The following PHF10 variants were observed in gnomAD, a reference collection of about 807,000 sequenced individuals.
PHF10 encodes the protein BRG1-associated factor 45a.
In PHF10, 51 loss-of-function variants were observed where a neutral mutation model predicts 68.5. That is an observed-to-expected ratio of 0.74 (90% CI 0.59 to 0.94). The LOEUF is 0.94. PHF10 is among the 40% of genes least tolerant of loss of function. PHF10 has a pLI of 0.00. For missense variants in PHF10, 460 were observed against 602.6 expected (o/e 0.76, Z 2.48); for synonymous variants, 204 against 203.5 (o/e 1.00, Z -0.02).
At chr6:169,719,982 C>T (rs868522112) in intron 2 of PHF10, among the ~76,000 whole-genome samples, 1 of 148,064 alleles carries the variant, frequency 6.8e-6, no homozygotes, top group South Asian at 2.2e-4. Context: ...ACAAAAAAAA[C>T]CCCAAATAAA....
chr6:169,718,142 T>C (rs1305257659), intron 3 of PHF10, among the ~76,000 whole-genome samples: 2 of 152,188 alleles, frequency 1.3e-5, no homozygotes, highest in Non-Finnish European at 2.9e-5. Flanking sequence ...TAAATAACTA[T>C]ACTAAACTAG....
In PHF10 at chr6:169,712,641, G is replaced by A. The variant is rs568427930; in HGVS notation, c.804-102C>T. On this transcript the variant is annotated intron_variant, in intron 7 of 11. Coordinates refer to ENST00000339209, the MANE Select transcript of PHF10 (RefSeq NM_018288.4). ...AGCCTTAAACTTCTTGAGTAACCCC[G>A]AAGACTTTTGAAAACTAGAGTACTA... The A allele has an allele frequency of 1.9e-4, 179 of 923,992 alleles. 3 individuals are homozygous for A. The South Asian group carries it at 3.0e-3, about 16-fold the overall frequency. The allele number at this position is 923,992 out of a possible 1,614,324, so 57.2% of individuals were successfully genotyped here.
chr6:169,717,647 A>G (rs902536926), intron 4 of PHF10, 176 bp downstream of exon 4: 1 of 514,936 alleles, frequency 1.9e-6, no homozygotes, highest in African/African-American at 2.0e-5. Context: ...TGTGTGTTCA[A>G]GCTTCATTCT....
chr6:169,717,123 G>C, intron 4 of PHF10, among the ~76,000 whole-genome samples: 1 of 152,242 alleles, frequency 6.6e-6, no homozygotes, highest in African/African-American at 2.4e-5. Flanking sequence ...GTGATGACAT[G>C]CGCCTGTAGT....
intron 2 of PHF10, among the ~76,000 whole-genome samples, chr6:169,719,911 T>C (rs906998874): frequency 1.3e-5 from 2 of 151,850 alleles, no homozygotes; most frequent in African/African-American, 4.8e-5. Context: ...GGAGAAAATA[T>C]GTGTAAATCA....
intron 8 of PHF10, among the ~76,000 whole-genome samples, chr6:169,712,026 A>C (rs1788936738): frequency 6.6e-6 from 1 of 152,216 alleles, no homozygotes; most frequent in South Asian, 2.1e-4. Context: ...AGATTAAGCA[A>C]ATGCACTCCC....
Position 169,705,187 on chromosome 6 carries a change from T to C in PHF10, c.1357A>G (p.Met453Val), listed in dbSNP as rs749971973. 5.0e-6 allele frequency: 8 copies of C among 1,613,714 alleles called. No homozygotes were observed. In the African/African-American group the frequency reaches 6.7e-5, roughly 13 times the overall value. Residue 453 changes from methionine (M) to valine (V), a missense_variant, in exon 11 of 12, where the codon ATG becomes GTG. By Grantham distance (21) the Met-to-Val change is conservative. Coordinates refer to ENST00000339209, the MANE Select transcript of PHF10 (RefSeq NM_018288.4). ...AAAGTATGATAACCTCTGTCACACATATCACAGAACATCATTTCTTCTTCA... is the reference window on the plus strand; with the variant it reads ...AAAGTATGATAACCTCTGTCACACACATCACAGAACATCATTTCTTCTTCA... Reference protein sequence around the residue: ...HHEEEMMFCDMCDRGYHTFCV... With the variant: ...HHEEEMMFCDVCDRGYHTFCV...
At chr6:169,704,372 A>G in intron 11 of PHF10, 1 of 371,152 alleles carries the variant, frequency 2.7e-6, no homozygotes, top group Non-Finnish European at 5.0e-6. Context: ...AAATTCAAAC[A>G]CTATCATACT....
chr6:169,714,368 T>G (rs531228473), intron 7 of PHF10, among the ~76,000 whole-genome samples: 2 of 152,334 alleles, frequency 1.3e-5, no homozygotes, highest in African/African-American at 4.8e-5. Context: ...ATGCAGACTC[T>G]GAGTCATAGG....
intron 4 of PHF10, among the ~76,000 whole-genome samples, chr6:169,716,912 T>C (rs570025160): frequency 7.9e-4 from 120 of 152,260 alleles, no homozygotes; most frequent in Admixed American, 1.5e-3. Context: ...AAATATATTG[T>C]ACAAGCTTTG....
chr6:169,722,639 G>A (rs896339584), intron 1 of PHF10, among the ~76,000 whole-genome samples: 7 of 152,208 alleles, frequency 4.6e-5, no homozygotes, highest in African/African-American at 1.4e-4. Flanking sequence ...TTTTTCTTGA[G>A]GGAGGTAGTA....
At chr6:169,718,574 G>T (rs540326686) in intron 3 of PHF10, among the ~76,000 whole-genome samples, 48 of 152,254 alleles carry the variant, frequency 3.2e-4, no homozygotes, top group Non-Finnish European at 6.2e-4. Context: ...GAAGGCTGAG[G>T]CAGGGAGACA....
chr6:169,719,002 T>G, intron 2 of PHF10, 84 bp from the exon 3 acceptor site: 1 of 913,132 alleles, frequency 1.1e-6, no homozygotes, highest in Non-Finnish European at 1.7e-6. Context: ...TTGAAAACTA[T>G]TTTAAGTATT....
rs376263590 is a variant in PHF10 at position 169,703,976 on chromosome 6, T to C, written c.*27A>G. The C allele has an allele frequency of 7.4e-6, 11 of 1,489,556 alleles. No homozygotes were observed. The African/African-American group carries it at 1.3e-4, about 17-fold the overall frequency. The allele number at this position is 1,489,556 out of a possible 1,614,324, so 92.3% of individuals were successfully genotyped here. A position where few individuals can be genotyped will look rare whatever the true frequency, so the allele number is the denominator to read the frequency against. Reference sequence around the variant, plus strand: ...GCACCAAATATTCCACTTAAATGCATATACAGTATTAGAGTCAAAAACTAT... The same window carrying C: ...GCACCAAATATTCCACTTAAATGCACATACAGTATTAGAGTCAAAAACTAT... On this transcript the variant is annotated 3_prime_UTR_variant, in exon 12 of 12. Transcript: ENST00000339209.
chr6:169,718,977 TTTA>T (rs1789115864), intron 2 of PHF10, 59 bp from the exon 3 acceptor site: 1 of 1,125,434 alleles, frequency 8.9e-7, no homozygotes, highest in East Asian at 2.4e-5. Flanking sequence ...TTTAATCACT[TTTA>T]TTGAGGATAT....
chr6:169,707,511 T>G (rs1585298186), intron 9 of PHF10: 1 of 152,222 alleles, frequency 6.6e-6, no homozygotes, highest in Non-Finnish European at 1.5e-5. Context: ...ACTAATAGTT[T>G]AAGTTAGATA....
chr6:169,705,344 G>A (rs754305870), intron 10 of PHF10, 23 bp from the exon 11 acceptor site: 7 of 1,530,408 alleles, frequency 4.6e-6, no homozygotes, highest in South Asian at 1.2e-5. Context: ...CAGTATTAGT[G>A]GTATCTCACA....
At position 169,721,023 on chromosome 6, in the gene PHF10, G is replaced by T. The variant is rs1045664485; in HGVS notation, c.176C>A (p.Thr59Asn). Residue 59 changes from threonine (T) to asparagine (N), a missense_variant, in exon 2 of 12, where the codon ACT becomes AAT. Thr to Asn is a moderately conservative substitution (Grantham distance 65). This residue lies in a region of PHF10 where 93 missense variants were observed against 82.4 expected (regional missense o/e 1.13). Transcript: ENST00000339209. Reference sequence around the variant, plus strand: ...ACAGTACCCAAGATCTTGACTTGAAGTTTCACAACTCCTAGAACTATCTCC... The same window carrying T: ...ACAGTACCCAAGATCTTGACTTGAATTTTCACAACTCCTAGAACTATCTCC... Reference protein sequence around the residue: ...GSGDSSRSCETSSQDLGFSYY... With the variant: ...GSGDSSRSCENSSQDLGFSYY... The T allele has an allele frequency of 3.9e-5, 60 of 1,541,302 alleles. No individual in the cohort carries two copies. Among genetic ancestry groups the T allele is most frequent in the Non-Finnish European group, 5.1e-5 (58 of 1,139,848 alleles).
At chr6:169,706,723 TACATACACACACACACACACACACACAC>T (rs1159665813) in intron 9 of PHF10, among the ~76,000 whole-genome samples, 6 of 72,538 alleles carry the variant, frequency 8.3e-5, no homozygotes, top group African/African-American at 2.5e-4. Context: ...CATACATACA[TACATACACACACACACACACACACACAC>T]ACACACACAC....
Sources: allele counts gnomAD v4.1 joint callset (sites outside exome capture counted in the v4.1 genomes callset), GRCh38; gene constraint gnomAD v4.1.1; regional missense constraint gnomAD v4.1.1; transcripts MANE v1.5; gene names NCBI Gene and HGNC (gene_info 2026-07-23, HGNC 2026-07-21).